Variants in RALGAPA1 observed in about 807,000 individuals in gnomAD.
RALGAPA1 encodes the protein Ral GTPase activating protein catalytic subunit alpha 1.
Under a neutral mutation model 269.6 loss-of-function variants are expected in RALGAPA1, and 52 were observed. The ratio of observed to expected loss-of-function variants is 0.19; its 90% CI spans 0.15 to 0.24. RALGAPA1 has a LOEUF of 0.24. Among genes scored for constraint, RALGAPA1 ranks in the 10% least tolerant of loss-of-function variants. The probability of loss-of-function intolerance (pLI) is 1.00; values close to 1 mark genes in which losing one functional copy is unlikely to be tolerated. For synonymous variants in RALGAPA1, 817 were observed against 1,008.3 expected (o/e 0.81, Z 3.60); for missense variants, 1,917 against 3,013.9 (o/e 0.64, Z 8.52).
chr14:35,766,113 G>A (rs2074119182), intron 4 of RALGAPA1: 4 of 1,044,548 alleles, frequency 3.8e-6, no homozygotes, highest in South Asian at 2.5e-5. Context: ...ATCAGATACT[G>A]GAGGGCTGAC....
At chr14:35,642,025 A>G (rs933238142) in intron 31 of RALGAPA1, among the ~76,000 whole-genome samples, 15 of 152,210 alleles carry the variant, frequency 9.9e-5, no homozygotes, top group Middle Eastern at 3.2e-3. Flanking sequence ...TATGGTGCTG[A>G]GATAACTGGT....
At chr14:35,731,652 A>G (rs2070488207) in intron 12 of RALGAPA1, among the ~76,000 whole-genome samples, 1 of 152,224 alleles carries the variant, frequency 6.6e-6, no homozygotes, top group African/African-American at 2.4e-5. Flanking sequence ...GCTGGAAGAC[A>G]TGGTCTTCAA....
intron 35 of RALGAPA1, among the ~76,000 whole-genome samples, chr14:35,608,412 G>C (rs181690217): frequency 6.6e-6 from 1 of 152,232 alleles, no homozygotes; most frequent in East Asian, 1.9e-4. Flanking sequence ...TAATTACTGG[G>C]GGGAAACCAA....
At chr14:35,643,083 C>G (rs1345352631) in intron 31 of RALGAPA1, among the ~76,000 whole-genome samples, 2 of 149,888 alleles carry the variant, frequency 1.3e-5, no homozygotes, top group African/African-American at 4.9e-5. Flanking sequence ...GTCGCAAGGA[C>G]AGAAAACCAA....
At chr14:35,773,802 C>G (rs2074811618) in intron 3 of RALGAPA1, among the ~76,000 whole-genome samples, 1 of 151,976 alleles carries the variant, frequency 6.6e-6, no homozygotes, top group Admixed American at 6.6e-5. Flanking sequence ...GTTTGGAACT[C>G]TTAAAAAAAA....
At chr14:35,539,751 T>C in intron 41 of RALGAPA1, 61 bp from the exon 42 acceptor site, 7 of 1,588,418 alleles carry the variant, frequency 4.4e-6, no homozygotes, top group Non-Finnish European at 5.1e-6. Context: ...TGAGAAATAA[T>C]CTTTCTGCTA....
At chr14:35,745,847 G>A (rs1223361308) in intron 10 of RALGAPA1, among the ~76,000 whole-genome samples, 1 of 151,774 alleles carries the variant, frequency 6.6e-6, no homozygotes, top group Non-Finnish European at 1.5e-5. Context: ...CACGCTGGGA[G>A]GCCGACGAGA....
At chr14:35,634,861 G>T (rs1056223728) in intron 32 of RALGAPA1, 104 bp from the exon 33 acceptor site, 3 of 1,129,926 alleles carry the variant, frequency 2.7e-6, no homozygotes, top group Non-Finnish European at 3.6e-6. Flanking sequence ...GCCTGGCAAA[G>T]ATTTTAAATA....
At chr14:35,658,878 A>G (rs1396015277) in intron 28 of RALGAPA1, among the ~76,000 whole-genome samples, 1 of 152,086 alleles carries the variant, frequency 6.6e-6, no homozygotes, top group African/African-American at 2.4e-5. Flanking sequence ...GTACTTAAAT[A>G]AAATAAAATT....
intron 35 of RALGAPA1, among the ~76,000 whole-genome samples, chr14:35,613,927 T>A (rs573733928): frequency 2.5e-4 from 38 of 152,326 alleles, no homozygotes; most frequent in South Asian, 8.3e-4. Flanking sequence ...ATACTCATGA[T>A]AAGTCATTAG....
chr14:35,778,708 A>T lies in RALGAPA1; in HGVS notation c.107-2963T>A, dbSNP rs570898908. Among the ~76,000 whole-genome samples, 8 of 152,362 alleles carry T rather than the reference A, an allele frequency of 5.3e-5. No individual in the cohort carries two copies. In the East Asian group the frequency reaches 1.5e-3, roughly 29 times the overall value. On this transcript the variant is annotated intron_variant, in intron 1 of 41. Transcript: ENST00000680220. ...TTGGAAAAGACTGCATAACCTACTG[A>T]CAGGCAAAATAGAACTGCCTCCTCT...
At position 35,668,823 on chromosome 14, in the gene RALGAPA1, C is replaced by G. The variant is rs1234714495; in HGVS notation, c.5202+2566G>C. ...CTGATATCTCAAAAACAAAACAAAA[C>G]AAAACAAAATAAAAATTGAAATGAT... On this transcript the variant is annotated intron_variant, in intron 26 of 41. Transcript: ENST00000680220. Among the ~76,000 whole-genome samples, 3 of 151,918 alleles carry G rather than the reference C, an allele frequency of 2.0e-5. No individual in the cohort carries two copies. In the East Asian group the frequency reaches 5.8e-4, roughly 29 times the overall value.
chr14:35,708,612 G>A (rs1040774526), intron 16 of RALGAPA1, among the ~76,000 whole-genome samples: 2 of 152,140 alleles, frequency 1.3e-5, no homozygotes, highest in Non-Finnish European at 2.9e-5. Flanking sequence ...ATGCTGGCCA[G>A]GATGTGAAGA....
intron 4 of RALGAPA1, among the ~76,000 whole-genome samples, chr14:35,769,248 C>T (rs114498397): frequency 0.011 from 1,625 of 151,288 alleles, 31 homozygotes; most frequent in African/African-American, 0.037. Context: ...AGGATGAAAG[C>T]GGATATAGCC....
Position 35,605,574 on chromosome 14 carries a change from T to TA in RALGAPA1, c.7053+11dup. On this transcript the variant is annotated intron_variant, in intron 36 of 41. Coordinates refer to ENST00000680220, the MANE Select transcript of RALGAPA1 (RefSeq NM_001346249.2). Reference sequence around the variant, plus strand: ...CCAAATATAAATATTTCGTATAATTTAAAAATAATACCTCCCAACCAAGAC... The same window carrying TA: ...CCAAATATAAATATTTCGTATAATTTAAAAAATAATACCTCCCAACCAAGAC... 8 of 1,570,482 alleles carry TA rather than the reference T, an allele frequency of 5.1e-6. No homozygotes were observed. Among genetic ancestry groups the TA allele is most frequent in the African/African-American group, 1.4e-5 (1 of 72,380 alleles).
chr14:35,740,931 C>T (rs1412881689), intron 11 of RALGAPA1, among the ~76,000 whole-genome samples: 2 of 152,116 alleles, frequency 1.3e-5, no homozygotes, highest in African/African-American at 4.8e-5. Context: ...TTGAATTTAT[C>T]AGAAATGTAA....
At chr14:35,773,034 CATAATT>C (rs1361782633) in intron 3 of RALGAPA1, among the ~76,000 whole-genome samples, 1 of 152,108 alleles carries the variant, frequency 6.6e-6, no homozygotes, top group Non-Finnish European at 1.5e-5. Flanking sequence ...CCAACAACTG[CATAATT>C]ATATTTATTT....
intron 33 of RALGAPA1, among the ~76,000 whole-genome samples, chr14:35,628,913 G>A (rs1381990358): frequency 6.6e-6 from 1 of 151,482 alleles, no homozygotes; most frequent in Non-Finnish European, 1.5e-5. Context: ...AGTCAAAAGA[G>A]AAAACTCAAA....
At chr14:35,634,457 G>C (rs1178251082) in intron 33 of RALGAPA1, 117 bp downstream of exon 33, 1 of 719,830 alleles carries the variant, frequency 1.4e-6, no homozygotes, top group Non-Finnish European at 2.1e-6. Context: ...TACATACATG[G>C]TTAAACAACT....
Sources: gnomAD v4.1 joint callset for allele counts (sites outside exome capture counted in the v4.1 genomes callset) on GRCh38, gnomAD v4.1.1 for gene constraint, MANE v1.5 for transcripts, NCBI Gene and HGNC (gene_info 2026-07-23, HGNC 2026-07-21) for gene names.